The following USH2A variants were observed in gnomAD, a reference collection of about 807,000 sequenced individuals.
The protein encoded by USH2A is Usher syndrome 2A (autosomal recessive, mild).
In USH2A, 443 loss-of-function variants were observed where a neutral mutation model predicts 538.9. The observed-to-expected ratio is 0.82, with a 90% CI of 0.76 to 0.89. The LOEUF is 0.89. USH2A is among the 40% of genes least tolerant of loss of function. USH2A has a pLI of 0.00. For synonymous variants in USH2A, 2,413 were observed against 2,273.5 expected (o/e 1.06, Z -1.75); for missense variants, 6,633 against 6,324.8 (o/e 1.05, Z -1.65).
intron 22 of USH2A, among the ~76,000 whole-genome samples, chr1:216,090,638 C>T (rs1348247821): frequency 2.0e-5 from 3 of 152,082 alleles, no homozygotes; most frequent in Non-Finnish European, 2.9e-5. Context: ...CCTATTTCAA[C>T]ATTTTAATAT....
Position 215,838,441 on chromosome 1 carries a change from G to A in USH2A, c.9259-338C>T, listed in dbSNP as rs773344588. On this transcript the variant is annotated intron_variant, in intron 46 of 71. Transcript: ENST00000307340. ...AAGTGACAGTTTGCAAGCATAACAG[G>A]TTATCACTGCTCACTGTTCTCTAAA... Among the ~76,000 whole-genome samples the A allele has an allele frequency of 7.0e-4, 107 of 152,272 alleles. 1 individual carries two copies. Among genetic ancestry groups the A allele is most frequent in the Middle Eastern group, 3.4e-3 (1 of 294 alleles).
At chr1:216,212,476 ACT>A (rs1459835664) in intron 15 of USH2A, among the ~76,000 whole-genome samples, 3 of 151,960 alleles carry the variant, frequency 2.0e-5, no homozygotes, top group African/African-American at 7.2e-5. Flanking sequence ...CATATGCCAG[ACT>A]CTCTTTTATG....
intron 55 of USH2A, among the ~76,000 whole-genome samples, chr1:215,769,258 A>C (rs1661215807): frequency 6.6e-6 from 1 of 152,202 alleles, no homozygotes. Context: ...CAATGGCCTC[A>C]GTTATCTTCC....
At chr1:216,302,900 T>C (rs2037241624) in intron 9 of USH2A, among the ~76,000 whole-genome samples, 1 of 152,064 alleles carries the variant, frequency 6.6e-6, no homozygotes, top group South Asian at 2.1e-4. Flanking sequence ...TAAATATAAT[T>C]GATAGCCTAT....
At chr1:215,836,508 A>ATATATATATATAATATATATTATATATAT (rs1663514865) in intron 47 of USH2A, among the ~76,000 whole-genome samples, 10 of 29,496 alleles carry the variant, frequency 3.4e-4, no homozygotes, top group African/African-American at 1.2e-3. Flanking sequence ...AATATATATT[A>ATATATATATATAATATATATTATATATAT]TATATATATA....
chr1:216,078,048 A>G (rs1367256368), intron 27 of USH2A, 41 bp downstream of exon 27: 2 of 1,612,846 alleles, frequency 1.2e-6, no homozygotes, highest in Non-Finnish European at 1.7e-6. Flanking sequence ...TGTTAGCACC[A>G]GGGCTGTATG....
intron 21 of USH2A, among the ~76,000 whole-genome samples, chr1:216,125,884 G>T (rs967477927): frequency 6.6e-6 from 1 of 152,120 alleles, no homozygotes; most frequent in Non-Finnish European, 1.5e-5. Context: ...TAGCTGTCTG[G>T]CATCATGTAG....
rs2034936624 is a variant in USH2A, at chr1:216,199,683, T to C, written c.3755A>G (p.Gln1252Arg). ...PPQRLSPPKMQKISSTELHVE... is the reference protein window; with the variant it reads ...PPQRLSPPKMRKISSTELHVE... ...ATGAAGTTCTGTAGAACTGATTTTC[T>C]GCATCTTAGGTGGACTTAGTCTTTG... The change falls in exon 17 of 72, where the codon CAG (glutamine) becomes CGG (arginine). Residue 1252 changes from glutamine (Q) to arginine (R), a missense_variant. Physicochemically the swap from Gln to Arg is conservative, Grantham distance 43. Coordinates refer to ENST00000307340, the MANE Select transcript of USH2A (RefSeq NM_206933.4). The C allele has an allele frequency of 6.2e-7, 1 of 1,614,134 alleles. No individual in the cohort carries two copies. The highest frequency in any genetic ancestry group is 8.5e-7 in the Non-Finnish European group (1 of 1,179,994).
intron 49 of USH2A, among the ~76,000 whole-genome samples, chr1:215,807,213 C>T (rs893821345): frequency 2.8e-4 from 42 of 152,142 alleles, no homozygotes; most frequent in African/African-American, 9.9e-4. Flanking sequence ...AAAATGGATT[C>T]TCTCCTCCAG....
chr1:215,764,040 G>A (rs1661059581), intron 56 of USH2A, among the ~76,000 whole-genome samples: 1 of 152,104 alleles, frequency 6.6e-6, no homozygotes, highest in Non-Finnish European at 1.5e-5. Context: ...GAATTAAGTG[G>A]CGAAGTACTG....
At chr1:215,685,585 G>A (rs974727567) in intron 61 of USH2A, among the ~76,000 whole-genome samples, 1 of 151,900 alleles carries the variant, frequency 6.6e-6, no homozygotes, top group Non-Finnish European at 1.5e-5. Context: ...CTTGAACTTC[G>A]GACTTCAGGT....
intron 25 of USH2A, 101 bp downstream of exon 25, chr1:216,084,597 G>T (rs998826940): frequency 4.0e-6 from 5 of 1,259,642 alleles, no homozygotes; most frequent in East Asian, 4.7e-5. Context: ...TGTGATACTA[G>T]GTTCATATGA....
chr1:215,718,781 A>T (rs77769175), intron 61 of USH2A, among the ~76,000 whole-genome samples: 5,173 of 152,272 alleles, frequency 0.034, 273 homozygotes, highest in African/African-American at 0.12. Flanking sequence ...GCTACTTTCC[A>T]TCTGTGACAA....
chr1:215,813,444 T>C (rs553151643), intron 49 of USH2A, among the ~76,000 whole-genome samples: 91 of 152,302 alleles, frequency 6.0e-4, no homozygotes, highest in Non-Finnish European at 1.2e-3. Flanking sequence ...TATATAGTCA[T>C]GTTAATAAAA....
rs767137840 is a variant in USH2A, at chr1:215,628,978, G to T, written c.15355C>A (p.Arg5119=). Residue 5119 remains arginine, a synonymous_variant, in exon 71 of 72, where the codon CGG becomes AGG. Transcript: ENST00000307340. ...SGTPVSIRSN[R]SACVLRIPSQ... ...GGGATGCGCAGGACACATGCACTCC[G>T]GTTGCTGCGGATACTCACAGGTGTC... The T allele has an allele frequency of 6.2e-7, 1 of 1,613,826 alleles. No individual in the cohort carries two copies. Among genetic ancestry groups the T allele is most frequent in the Non-Finnish European group, 8.5e-7 (1 of 1,180,046 alleles).
Position 215,900,079 on chromosome 1 carries a change from C to G in USH2A, c.7590G>C (p.Glu2530Asp). 6.2e-7 allele frequency: 1 copy of G among 1,613,608 alleles called. No homozygotes were observed. The highest frequency in any genetic ancestry group is 8.5e-7 in the Non-Finnish European group (1 of 1,179,692). The change falls in exon 40 of 72, where the codon GAG (glutamate) becomes GAC (aspartate). Residue 2530 changes from glutamate (E) to aspartate (D), a missense_variant. Transcript: ENST00000307340. ...TGTATTGTTCAGACCACTTACTGTCCTCTGCGGTCATGAATGGAATCCAAG... is the reference window on the plus strand; with the variant it reads ...TGTATTGTTCAGACCACTTACTGTCGTCTGCGGTCATGAATGGAATCCAAG... Reference protein sequence around the residue: ...HSSWIPFMTAEDKPGPVVPPI... With the variant: ...HSSWIPFMTADDKPGPVVPPI...
At chr1:216,086,864 T>G in intron 23 of USH2A, 44 bp from the exon 24 acceptor site, 4 of 1,429,484 alleles carry the variant, frequency 2.8e-6, no homozygotes, top group Non-Finnish European at 2.0e-6. Context: ...CAGGATACTC[T>G]AGTTTTACTA....
At chr1:216,072,713 G>T (rs2031596058) in intron 29 of USH2A, 176 bp downstream of exon 29, 2 of 659,462 alleles carry the variant, frequency 3.0e-6, no homozygotes, top group Admixed American at 2.2e-5. Context: ...TAAATGAAAA[G>T]CACTGATCTA....
intron 11 of USH2A, among the ~76,000 whole-genome samples, chr1:216,282,680 G>A (rs1311172716): frequency 6.6e-6 from 1 of 152,038 alleles, no homozygotes; most frequent in Non-Finnish European, 1.5e-5. Context: ...TTTTTTATAA[G>A]GTTATCTTGG....
Sources: allele counts gnomAD v4.1 joint callset (sites outside exome capture counted in the v4.1 genomes callset), GRCh38; gene constraint gnomAD v4.1.1; transcripts MANE v1.5; gene names NCBI Gene and HGNC (gene_info 2026-07-23, HGNC 2026-07-21).